Variants in HEXD observed in about 807,000 individuals in gnomAD.
HEXD encodes hexosaminidase D.
Under a neutral mutation model 54.2 loss-of-function variants are expected in HEXD, and 47 were observed. That is an observed-to-expected ratio of 0.87 (90% CI 0.69 to 1.11). The LOEUF is 1.11. Among genes scored for constraint, HEXD ranks in the 50% least tolerant of loss-of-function variants. The probability of loss-of-function intolerance (pLI) is 0.00; values close to 1 mark genes in which losing one functional copy is unlikely to be tolerated. For synonymous variants in HEXD, 293 were observed against 287.6 expected (o/e 1.02, Z -0.19); for missense variants, 576 against 649.2 (o/e 0.89, Z 1.23).
chr17:82,428,514 G>A (rs766486741), intron 3 of HEXD, 44 bp from the exon 4 acceptor site: 16 of 1,570,984 alleles, frequency 1.0e-5, no homozygotes, highest in African/African-American at 5.4e-5. Flanking sequence ...TGGAAGTCAC[G>A]TGCTGCTCAC....
At chr17:82,436,013 C>A in intron 6 of HEXD, 141 bp downstream of exon 6, 1 of 798,030 alleles carries the variant, frequency 1.3e-6, no homozygotes, top group Non-Finnish European at 2.0e-6. Flanking sequence ...CCTCCTGCAT[C>A]CCCTTGACGC....
intron 2 of HEXD, 200 bp downstream of exon 2, chr17:82,420,083 G>T: frequency 1.7e-5 from 5 of 301,062 alleles, no homozygotes; most frequent in Non-Finnish European, 2.4e-5. Flanking sequence ...TGACAAAAGG[G>T]AAAAAAAAAA....
chr17:82,433,089 AAAAT>A (rs2053634189), intron 4 of HEXD, among the ~76,000 whole-genome samples: 1 of 15,070 alleles, frequency 6.6e-5, no homozygotes, highest in Non-Finnish European at 9.4e-5. Flanking sequence ...AAAAAAAAAA[AAAAT>A]ATATATATAT....
intron 2 of HEXD, among the ~76,000 whole-genome samples, chr17:82,423,980 C>T (rs1258854231): frequency 6.6e-6 from 1 of 151,994 alleles, no homozygotes; most frequent in African/African-American, 2.4e-5. Flanking sequence ...CCGGCTCCTC[C>T]TGCCCCGTCC....
rs1265430005 is a variant in HEXD at position 82,439,922 on chromosome 17, C to G, written c.982+209C>G. On this transcript the variant is annotated intron_variant, in intron 9 of 12. Transcript: ENST00000327949. ...GTGTCTGGGTCTCCAGGCCTAAGCCCAAAGCAGGCTGGAGAGTGACGCGGG... is the reference window on the plus strand; with the variant it reads ...GTGTCTGGGTCTCCAGGCCTAAGCCGAAAGCAGGCTGGAGAGTGACGCGGG... 2.0e-6 allele frequency: 3 copies of G among 1,522,238 alleles called. No homozygotes were observed. In the Admixed American group the frequency reaches 5.9e-5, roughly 30 times the overall value. 94.3% of individuals were successfully genotyped at this position (1,522,238 alleles called of 1,614,324 possible). A position where few individuals can be genotyped will look rare whatever the true frequency, so the allele number is the denominator to read the frequency against.
chr17:82,439,615 C>T lies in HEXD; in HGVS notation c.900-16C>T. The stretch of plus-strand genomic sequence containing the variant: ...GGGGCGGGCTGCGGAGCTAAGCGCC[C>T]CTCTCATGGACCCAGGTACGACCAC... On this transcript the variant is annotated splice_polypyrimidine_tract_variant and intron_variant, in intron 8 of 12. Coordinates refer to ENST00000327949, the MANE Select transcript of HEXD (RefSeq NM_001330542.2). The T allele has an allele frequency of 6.5e-7, 1 of 1,527,200 alleles. No individual in the cohort carries two copies. The highest frequency in any genetic ancestry group is 1.9e-5 in the Admixed American group (1 of 52,194). 94.6% of individuals were successfully genotyped at this position (1,527,200 alleles called of 1,614,324 possible).
chr17:82,423,089 A>G (rs932346655), intron 2 of HEXD, among the ~76,000 whole-genome samples: 1 of 152,052 alleles, frequency 6.6e-6, no homozygotes, highest in Non-Finnish European at 1.5e-5. Flanking sequence ...GCGTTCTGAC[A>G]ATTGAATATA....
At chr17:82,429,666 CCCAGCCGCTCT>C (rs2053522386) in intron 4 of HEXD, among the ~76,000 whole-genome samples, 1 of 152,150 alleles carries the variant, frequency 6.6e-6, no homozygotes, top group Admixed American at 6.6e-5. Flanking sequence ...TTCTGGCATC[CCCAGCCGCTCT>C]CCTGAGCCCC....
At position 82,441,231 on chromosome 17, in the gene HEXD, G is replaced by A; in HGVS notation, c.1128G>A (p.Leu376=). Residue 376 remains leucine (L), a synonymous_variant, in exon 11 of 13, where the codon CTG becomes CTA. Coordinates refer to ENST00000327949, the MANE Select transcript of HEXD (RefSeq NM_001330542.2). ...TTGTCACACAAGTCAGCCTCCATCT[G>A]CGCAGCTCTGTGGATGCGCTGCTGG... ...LALVTQVSLH[L]RSSVDALLEG... 1.2e-6 allele frequency: 2 copies of A among 1,612,914 alleles called. No individual in the cohort carries two copies. The highest frequency in any genetic ancestry group is 1.7e-4 in the Middle Eastern group (1 of 6,056).
At chr17:82,424,349 C>T in intron 2 of HEXD, 45 bp from the exon 3 acceptor site, 1 of 1,320,894 alleles carries the variant, frequency 7.6e-7, no homozygotes, top group Non-Finnish European at 1.1e-6. Context: ...CCACATCGTG[C>T]TCCAGCAGCC....
intron 3 of HEXD, among the ~76,000 whole-genome samples, chr17:82,424,899 G>C (rs138770031): frequency 1.3e-5 from 2 of 152,094 alleles, no homozygotes; most frequent in African/African-American, 4.8e-5. Flanking sequence ...GGCTAGAGAA[G>C]GCTAGAGAAA....
intron 4 of HEXD, among the ~76,000 whole-genome samples, chr17:82,431,150 G>A (rs556039942): frequency 1.4e-5 from 2 of 139,462 alleles, no homozygotes; most frequent in Non-Finnish European, 3.0e-5. Flanking sequence ...CCACAGGTGC[G>A]TGCCACCATA....
chr17:82,420,769 C>T (rs1485141676), intron 2 of HEXD, among the ~76,000 whole-genome samples: 2 of 152,064 alleles, frequency 1.3e-5, no homozygotes, highest in African/African-American at 4.8e-5. Flanking sequence ...GGTTTCACCA[C>T]ATTGGCCAGG....
At chr17:82,431,177 T>A (rs79113402) in intron 4 of HEXD, among the ~76,000 whole-genome samples, 1 of 148,256 alleles carries the variant, frequency 6.7e-6, no homozygotes, top group Non-Finnish European at 1.5e-5. Flanking sequence ...CAGTTTTTTT[T>A]ATTATTTGCA....
chr17:82,428,459 G>T (rs2053483748), intron 3 of HEXD, 99 bp from the exon 4 acceptor site: 1 of 963,370 alleles, frequency 1.0e-6, no homozygotes, highest in Admixed American at 1.9e-5. Context: ...CTGTTTCCCG[G>T]AGAGCCCCCC....
At chr17:82,423,158 C>T (rs1031876330) in intron 2 of HEXD, among the ~76,000 whole-genome samples, 2 of 152,222 alleles carry the variant, frequency 1.3e-5, no homozygotes, top group East Asian at 1.9e-4. Flanking sequence ...TCTGTTGCTG[C>T]GTGACAGATC....
rs1015196870 is a variant in HEXD, at chr17:82,424,486, G to A, written c.177G>A (p.Arg59=). The A allele has an allele frequency of 5.6e-6, 9 of 1,612,866 alleles. No homozygotes were observed. Among genetic ancestry groups the A allele is most frequent in the Non-Finnish European group, 7.6e-6 (9 of 1,179,040 alleles). Residue 59 remains arginine, a synonymous_variant, in exon 3 of 13, where the codon AGG becomes AGA. Transcript: ENST00000327949. ...FPYEGPLRLL[R]AKYAYSPSEI... is the part of the protein sequence containing the mutation. ...ACGAGGGCCCTCTGAGGCTGCTGAG[G>A]GCCAAGTACGCCTACAGGTAACACT...
At chr17:82,435,566 C>T in intron 5 of HEXD, 123 bp from the exon 6 acceptor site, 1 of 923,300 alleles carries the variant, frequency 1.1e-6, no homozygotes, top group South Asian at 1.7e-5. Flanking sequence ...AGGCTCCGAG[C>T]CCCTCCCTGG....
At chr17:82,425,144 G>A in intron 3 of HEXD, among the ~76,000 whole-genome samples, 1 of 151,170 alleles carries the variant, frequency 6.6e-6, no homozygotes, top group Non-Finnish European at 1.5e-5. Flanking sequence ...GGCTGGAGAA[G>A]GCTGGAGGAG....
Sources: gnomAD v4.1 joint callset for allele counts (sites outside exome capture counted in the v4.1 genomes callset) on GRCh38, gnomAD v4.1.1 for gene constraint, MANE v1.5 for transcripts, NCBI Gene and HGNC (gene_info 2026-07-23, HGNC 2026-07-21) for gene names.